The following PDS5A variants were observed in gnomAD, a reference collection of about 807,000 sequenced individuals.
The protein encoded by PDS5A is sister chromatid cohesion protein PDS5 homolog A.
Under a neutral mutation model 167.1 loss-of-function variants are expected in PDS5A, and 42 were observed. That is an observed-to-expected ratio of 0.25 (90% confidence interval 0.20 to 0.33). PDS5A has a LOEUF of 0.33. Ranked by LOEUF, PDS5A falls within the 10% of genes least tolerant of loss-of-function variation. The pLI is 1.00. For missense variants in PDS5A, 1,033 were observed against 1,605.9 expected (o/e 0.64, Z 6.10); for synonymous variants, 553 against 554.6 (o/e 1.00, Z 0.04).
intron 24 of PDS5A, 103 bp downstream of exon 24, chr4:39,863,232 AC>A (rs1172393010): frequency 1.0e-5 from 10 of 955,096 alleles, no homozygotes; most frequent in African/African-American, 3.3e-5. Flanking sequence ...AATAGTAGTG[AC>A]TTTTGTGCAT....
chr4:39,899,851 TAAAAAAAAAAAA>T (rs532738160), intron 14 of PDS5A, among the ~76,000 whole-genome samples: 34,346 of 102,640 alleles, frequency 0.33, 4,918 homozygotes, highest in East Asian at 0.51. Flanking sequence ...TCCTGTGTAT[TAAAAAAAAAAAA>T]AAAAAAAAAA....
At position 39,862,920 on chromosome 4, in the gene PDS5A, T is replaced by C; in HGVS notation, c.2920A>G (p.Lys974Glu). 6.2e-7 allele frequency: 1 copy of C among 1,613,018 alleles called. No individual in the cohort carries two copies. The highest frequency in any genetic ancestry group is 8.5e-7 in the Non-Finnish European group (1 of 1,179,800). The change falls in exon 25 of 33, where the codon AAA becomes GAA. Residue 974 changes from lysine (K) to glutamate (E), a missense_variant. Lys to Glu is a moderately conservative substitution (Grantham distance 56). This residue lies in a region of PDS5A where 367 missense variants were observed against 686.7 expected (regional missense o/e 0.53). Coordinates refer to ENST00000303538, the MANE Select transcript of PDS5A (RefSeq NM_001100399.2). ...TATTCCCTGCGTATACTGATATTTTTCAGTAAACATTGTCGTGCGTGTGCT... is the reference window on the plus strand; with the variant it reads ...TATTCCCTGCGTATACTGATATTTTCCAGTAAACATTGTCGTGCGTGTGCT... ...RRAHARQCLL[K>E]NISIRREYIK...
At chr4:39,921,844 G>C (rs1025426323) in intron 6 of PDS5A, among the ~76,000 whole-genome samples, 4 of 152,140 alleles carry the variant, frequency 2.6e-5, no homozygotes, top group South Asian at 2.1e-4. Flanking sequence ...CATAGTCTCA[G>C]AATTTTTATA....
At chr4:39,947,855 C>T (rs1676246347) in intron 2 of PDS5A, among the ~76,000 whole-genome samples, 1 of 152,134 alleles carries the variant, frequency 6.6e-6, no homozygotes, top group Non-Finnish European at 1.5e-5. Flanking sequence ...GAACACCTCC[C>T]AGTAGGCCCC....
In PDS5A at chr4:39,923,296, C is replaced by T. The variant is rs1187813659; in HGVS notation, c.528-548G>A. On this transcript the variant is annotated intron_variant, in intron 5 of 32. Transcript: ENST00000303538. Reference sequence around the variant, plus strand: ...TGAGCAGAGATCATGCCACTGCACTCCGGCCTGGGCAACAGAGTGAGACTT... The same window carrying T: ...TGAGCAGAGATCATGCCACTGCACTTCGGCCTGGGCAACAGAGTGAGACTT... Among the ~76,000 whole-genome samples the T allele has an allele frequency of 4.0e-5, 6 of 148,338 alleles. No homozygotes were observed. In the Admixed American group the frequency reaches 4.1e-4, roughly 10 times the overall value.
chr4:39,859,796 A>G (rs980782775), intron 26 of PDS5A, among the ~76,000 whole-genome samples: 6 of 152,230 alleles, frequency 3.9e-5, no homozygotes, highest in Admixed American at 1.3e-4. Context: ...TCCCATGGGA[A>G]CCACTGGGAG....
intron 2 of PDS5A, among the ~76,000 whole-genome samples, chr4:39,975,759 G>A (rs543381368): frequency 6.6e-6 from 1 of 151,994 alleles, no homozygotes; most frequent in African/African-American, 2.4e-5. Context: ...CCTACAAGAA[G>A]AATATTACTT....
intron 26 of PDS5A, among the ~76,000 whole-genome samples, chr4:39,858,511 CA>C (rs1186785223): frequency 6.6e-6 from 1 of 152,104 alleles, no homozygotes; most frequent in African/African-American, 2.4e-5. Context: ...TATTCACAAA[CA>C]AAAGAATGAA....
intron 17 of PDS5A, among the ~76,000 whole-genome samples, chr4:39,885,499 G>A (rs1241776635): frequency 6.6e-6 from 1 of 152,068 alleles, no homozygotes; most frequent in Admixed American, 6.6e-5. Flanking sequence ...CACCTACTCA[G>A]GAGGCTGAGG....
chr4:39,940,240 AG>A (rs1229749041), intron 2 of PDS5A, among the ~76,000 whole-genome samples: 1 of 152,118 alleles, frequency 6.6e-6, no homozygotes, highest in Non-Finnish European at 1.5e-5. Context: ...AAAAGAAAAA[AG>A]AAAAAAAGAA....
intron 17 of PDS5A, among the ~76,000 whole-genome samples, chr4:39,888,152 C>T (rs529921423): frequency 2.7e-5 from 4 of 147,196 alleles, no homozygotes; most frequent in East Asian, 2.0e-4. Flanking sequence ...GGGAGGCTGA[C>T]GCAGAACTGC....
chr4:39,904,542 C>T (rs1484196461), intron 11 of PDS5A, among the ~76,000 whole-genome samples: 1 of 152,148 alleles, frequency 6.6e-6, no homozygotes, highest in Non-Finnish European at 1.5e-5. Context: ...CCCTGTTAGC[C>T]AGGATGGTCT....
At chr4:39,893,622 G>C (rs932620400) in intron 16 of PDS5A, among the ~76,000 whole-genome samples, 2 of 152,150 alleles carry the variant, frequency 1.3e-5, no homozygotes, top group Non-Finnish European at 2.9e-5. Flanking sequence ...TTCTACATCA[G>C]AAAAGGAATG....
In PDS5A at chr4:39,835,765, C is replaced by T. The variant is rs780790059; in HGVS notation, c.4010+2091G>A. 2.6e-5 allele frequency among the ~76,000 whole-genome samples: 4 copies of T among 151,866 alleles called. 1 individual carries two copies. Among genetic ancestry groups the T allele is most frequent in the Admixed American group, 2.0e-4 (3 of 15,254 alleles). On this transcript the variant is annotated intron_variant, in intron 32 of 32. Coordinates refer to ENST00000303538, the MANE Select transcript of PDS5A (RefSeq NM_001100399.2). ...CTGAAACTCCTGACCTCAGGTGATC[C>T]GCCTGCCTTGGCCTCCCAAAGTGCT... is the stretch of plus-strand genomic sequence containing the variant.
chr4:39,868,007 TTATTA>T (rs1719702004), intron 22 of PDS5A, among the ~76,000 whole-genome samples: 1 of 152,160 alleles, frequency 6.6e-6, no homozygotes, highest in African/African-American at 2.4e-5. Context: ...AAAGTATTAT[TTATTA>T]TATTTATTGA....
intron 26 of PDS5A, among the ~76,000 whole-genome samples, chr4:39,854,015 C>T (rs2109526526): frequency 6.6e-6 from 1 of 152,240 alleles, no homozygotes; most frequent in Non-Finnish European, 1.5e-5. Context: ...AAAATGGGAA[C>T]AACAGGATGC....
At chr4:39,899,851 TAAAAAAAAAAAAAAAA>T (rs532738160) in intron 14 of PDS5A, among the ~76,000 whole-genome samples, 4 of 102,410 alleles carry the variant, frequency 3.9e-5, no homozygotes, top group African/African-American at 1.4e-4. Flanking sequence ...TCCTGTGTAT[TAAAAAAAAAAAAAAAA>T]AAAAAAAAAA....
intron 12 of PDS5A, among the ~76,000 whole-genome samples, chr4:39,903,809 T>C (rs1723080404): frequency 6.6e-6 from 1 of 152,210 alleles, no homozygotes; most frequent in South Asian, 2.1e-4. Context: ...GCCTATTTCA[T>C]ATTATAAGGC....
chr4:39,836,395 G>A (rs1020109433), intron 32 of PDS5A, among the ~76,000 whole-genome samples: 9 of 152,126 alleles, frequency 5.9e-5, no homozygotes, highest in Non-Finnish European at 1.2e-4. Flanking sequence ...AGATGATGTA[G>A]AAATTTAATA....
Sources: gnomAD v4.1 joint callset for allele counts (sites outside exome capture counted in the v4.1 genomes callset) on GRCh38, gnomAD v4.1.1 for gene constraint, gnomAD v4.1.1 regional missense constraint, MANE v1.5 for transcripts, NCBI Gene and HGNC (gene_info 2026-07-23, HGNC 2026-07-21) for gene names.